The following PRELID2 variants were observed in gnomAD, a reference collection of about 807,000 sequenced individuals.
PRELID2 encodes the protein PRELI domain-containing protein 2.
In PRELID2, 25 loss-of-function variants were observed where a neutral mutation model predicts 28.4. The ratio of observed to expected loss-of-function variants is 0.88; its 90% CI spans 0.64 to 1.23. PRELID2 has a LOEUF of 1.23. Ranked by LOEUF, PRELID2 falls within the 50% of genes most tolerant of loss-of-function variation. The pLI, the probability that PRELID2 is intolerant of heterozygous loss-of-function variation, is 0.00. For missense variants in PRELID2, 201 were observed against 214.4 expected, an observed-to-expected ratio of 0.94 and a Z score of 0.39; for synonymous variants, 76 against 71.6, an observed-to-expected ratio of 1.06 and a Z score of -0.31.
chr5:145,287,089 TACTTTA>T, the PRELID2 span, among the ~76,000 whole-genome samples: 4 of 152,316 alleles, frequency 2.6e-5, no homozygotes, highest in African/African-American at 9.6e-5. Context: ...AAACACATTT[TACTTTA>T]AAATATAGTG....
intron 1 of PRELID2, among the ~76,000 whole-genome samples, chr5:145,674,776 GTC>G (rs1178916299): frequency 2.0e-5 from 3 of 152,012 alleles, no homozygotes; most frequent in African/African-American, 7.2e-5. Context: ...CTGAAACCCT[GTC>G]TCTACTAAAA....
chr5:145,428,283 T>G, the PRELID2 span, among the ~76,000 whole-genome samples: 1 of 152,146 alleles, frequency 6.6e-6, no homozygotes, highest in Non-Finnish European at 1.5e-5. Context: ...CTACTTCTAT[T>G]GGTGCCACAG....
the PRELID2 span, among the ~76,000 whole-genome samples, chr5:145,319,814 A>T: frequency 8.5e-5 from 13 of 152,312 alleles, no homozygotes; most frequent in African/African-American, 2.9e-4. Flanking sequence ...ACAACTCTGG[A>T]TGATAAGCAT....
intron 1 of PRELID2, among the ~76,000 whole-genome samples, chr5:145,485,583 A>G (rs1006857974): frequency 1.3e-5 from 2 of 152,104 alleles, no homozygotes; most frequent in East Asian, 1.9e-4. Context: ...CTCGCTCGCT[A>G]TCTCTCATGC....
At chr5:145,810,757 G>A (rs949212595) in intron 4 of PRELID2, among the ~76,000 whole-genome samples, 16 of 152,086 alleles carry the variant, frequency 1.1e-4, no homozygotes, top group African/African-American at 3.9e-4. Flanking sequence ...CTTTCTCTAT[G>A]TACGACTTCA....
At chr5:145,398,663 C>T in the PRELID2 span, among the ~76,000 whole-genome samples, 1 of 152,074 alleles carries the variant, frequency 6.6e-6, no homozygotes, top group Non-Finnish European at 1.5e-5. Context: ...GTGGTGAGGA[C>T]ATAGCAACAA....
chr5:145,461,006 C>T, the PRELID2 span, among the ~76,000 whole-genome samples: 1 of 152,200 alleles, frequency 6.6e-6, no homozygotes, highest in Non-Finnish European at 1.5e-5. Context: ...ATATGAGTGA[C>T]TTCTCAGATT....
the PRELID2 span, among the ~76,000 whole-genome samples, chr5:145,373,396 GATATT>G: frequency 1.5e-5 from 1 of 68,300 alleles, no homozygotes; most frequent in South Asian, 6.7e-4. Context: ...TAATATATAT[GATATT>G]ATATATTACA....
chr5:145,621,094 CTGT>C (rs1361746616), intron 1 of PRELID2, among the ~76,000 whole-genome samples: 1 of 152,100 alleles, frequency 6.6e-6, no homozygotes, highest in Non-Finnish European at 1.5e-5. Context: ...AGTAAAAAGA[CTGT>C]TAAGACAATT....
At chr5:145,481,046 T>C (rs911476881) in intron 1 of PRELID2, among the ~76,000 whole-genome samples, 1 of 152,174 alleles carries the variant, frequency 6.6e-6, no homozygotes, top group African/African-American at 2.4e-5. Context: ...TATAATTCTT[T>C]GGTCCTGTAA....
At chr5:145,827,998 T>C (rs758291641) in intron 1 of PRELID2, among the ~76,000 whole-genome samples, 5 of 151,568 alleles carry the variant, frequency 3.3e-5, no homozygotes, top group Non-Finnish European at 7.3e-5. Flanking sequence ...TATGTGGGAA[T>C]TCTTTGTTTC....
At chr5:145,369,264 C>T in the PRELID2 span, among the ~76,000 whole-genome samples, 1 of 151,958 alleles carries the variant, frequency 6.6e-6, no homozygotes, top group East Asian at 1.9e-4. Context: ...CTTCTAAGTT[C>T]CCTTCCCTAG....
At chr5:145,464,932 G>A in the PRELID2 span, among the ~76,000 whole-genome samples, 4 of 152,116 alleles carry the variant, frequency 2.6e-5, no homozygotes, top group East Asian at 3.8e-4. Context: ...GGACCAAAGA[G>A]CCTAAAGTAA....
At chr5:145,325,583 G>A in the PRELID2 span, among the ~76,000 whole-genome samples, 1 of 152,132 alleles carries the variant, frequency 6.6e-6, no homozygotes, top group African/African-American at 2.4e-5. Context: ...AAAAATTACA[G>A]GAGGATTAAC....
At chr5:145,741,943 AT>A (rs1561568793) in intron 1 of PRELID2, among the ~76,000 whole-genome samples, 2 of 122,820 alleles carry the variant, frequency 1.6e-5, no homozygotes, top group Non-Finnish European at 3.2e-5. Flanking sequence ...TTATAAATAA[AT>A]AAATTTATTA....
chr5:145,451,412 C>A, the PRELID2 span, among the ~76,000 whole-genome samples: 1 of 152,186 alleles, frequency 6.6e-6, no homozygotes, highest in Non-Finnish European at 1.5e-5. Context: ...ACAACTAGAA[C>A]ACTAGCGTTT....
intron 1 of PRELID2, among the ~76,000 whole-genome samples, chr5:145,486,369 T>C (rs573450679): frequency 5.4e-4 from 83 of 152,356 alleles, no homozygotes; most frequent in African/African-American, 1.8e-3. Context: ...GTCTAGCCAA[T>C]GTCTGGCATA....
chr5:145,545,675 G>A (rs1418403034), intron 1 of PRELID2, among the ~76,000 whole-genome samples: 1 of 152,072 alleles, frequency 6.6e-6, no homozygotes, highest in East Asian at 1.9e-4. Flanking sequence ...ATTTGTAAAT[G>A]AATCAAGAAT....
At chr5:145,741,332 A>G (rs1240400112) in intron 1 of PRELID2, among the ~76,000 whole-genome samples, 12 of 31,830 alleles carry the variant, frequency 3.8e-4, no homozygotes, top group African/African-American at 8.8e-4. Flanking sequence ...AATTATTTAT[A>G]TATAAATAAA....
Sources: gnomAD v4.1 joint callset for allele counts (sites outside exome capture counted in the v4.1 genomes callset) on GRCh38, gnomAD v4.1.1 for gene constraint, MANE v1.5 for transcripts, NCBI Gene and HGNC (gene_info 2026-07-23, HGNC 2026-07-21) for gene names.